RGS6: variants seen among roughly 807,000 people sequenced by gnomAD.
RGS6 encodes regulator of G protein signaling 6, also known as regulator of G-protein signaling 6.
A neutral mutation model predicts 78.5 loss-of-function variants in RGS6; 30 were observed. The observed-to-expected ratio is 0.38, with a 90% confidence interval of 0.29 to 0.52. RGS6 has a LOEUF of 0.52. RGS6 is among the 20% of genes least tolerant of loss of function. The probability of loss-of-function intolerance (pLI) is 0.85; values close to 1 mark genes in which losing one functional copy is unlikely to be tolerated. For synonymous variants in RGS6, 206 were observed against 206.0 expected (o/e 1.00, Z 0.00); for missense variants, 495 against 609.7 (o/e 0.81, Z 1.98).
In RGS6 at chr14:72,091,894, C is replaced by T. The variant is rs1006129640; in HGVS notation, c.84+127019C>T. Among the ~76,000 whole-genome samples, 10 of 152,322 alleles carry T rather than the reference C, an allele frequency of 6.6e-5. 1 individual carries two copies. The highest frequency in any genetic ancestry group is 1.7e-4 in the African/African-American group (7 of 41,582). ...AGAAGATGTATTAATACTCTATTCT[C>T]TAATTTTCCAGAATAAGTCAGATCA... On this transcript the variant is annotated intron_variant, in intron 2 of 17. Transcript: ENST00000553525.
intron 12 of RGS6, among the ~76,000 whole-genome samples, chr14:72,485,682 T>A (rs2096475152): frequency 6.6e-6 from 1 of 152,224 alleles, no homozygotes; most frequent in African/African-American, 2.4e-5. Flanking sequence ...TGAACCTGGT[T>A]CTGCAAAATA....
intron 2 of RGS6, among the ~76,000 whole-genome samples, chr14:72,061,616 C>CACCT (rs1208202077): frequency 6.6e-6 from 1 of 151,448 alleles, no homozygotes; most frequent in African/African-American, 2.4e-5. Flanking sequence ...TTGATCAAAA[C>CACCT]ACCTATGCAA....
At chr14:72,255,560 A>G (rs1443531931) in intron 2 of RGS6, among the ~76,000 whole-genome samples, 1 of 152,160 alleles carries the variant, frequency 6.6e-6, no homozygotes, top group Non-Finnish European at 1.5e-5. Context: ...TTGTTTTCTC[A>G]TTGGTTCCCA....
chr14:72,478,178 TTGG>T, intron 11 of RGS6, 87 bp from the exon 12 acceptor site: 1 of 894,322 alleles, frequency 1.1e-6, no homozygotes, highest in Non-Finnish European at 1.8e-6. Context: ...TATTTGGATC[TTGG>T]TGGAAATGCA....
At position 72,158,661 on chromosome 14, in the gene RGS6, T is replaced by G. The variant is rs2096807091; in HGVS notation, c.85-193434T>G. Among the ~76,000 whole-genome samples, 5 of 152,216 alleles carry G rather than the reference T, an allele frequency of 3.3e-5. No individual in the cohort carries two copies. The South Asian group carries it at 1.0e-3, about 31-fold the overall frequency. The stretch of plus-strand genomic sequence containing the variant: ...TTGCTTGGTTGAATCAAGTAATGTT[T>G]CAAGATAATTTCCGTAAACATGCAC... On this transcript the variant is annotated intron_variant, in intron 2 of 17. Coordinates refer to ENST00000553525, the MANE Select transcript of RGS6 (RefSeq NM_001204424.2).
chr14:72,224,854 A>G (rs1056188169), intron 2 of RGS6, among the ~76,000 whole-genome samples: 2 of 152,142 alleles, frequency 1.3e-5, no homozygotes, highest in East Asian at 1.9e-4. Flanking sequence ...AGCTCCACCT[A>G]TGACTCAGCC....
chr14:71,993,610 AGTG>A lies in RGS6; in HGVS notation c.84+28737_84+28739del, dbSNP rs547805489. Among the ~76,000 whole-genome samples, 25 of 152,316 alleles carry A rather than the reference AGTG, an allele frequency of 1.6e-4. 1 individual carries two copies. In the South Asian group the frequency reaches 4.4e-3, roughly 27 times the overall value. Reference sequence around the variant, plus strand: ...GCTCTGGCTTATACAGATGGTAAGTAGTGGAGTTTGACCTTGACCTTAACCTTG... The same window carrying A: ...GCTCTGGCTTATACAGATGGTAAGTAGAGTTTGACCTTGACCTTAACCTTG... On this transcript the variant is annotated intron_variant, in intron 2 of 17. Coordinates refer to ENST00000553525, the MANE Select transcript of RGS6 (RefSeq NM_001204424.2).
chr14:72,600,294 C>A, the RGS6 span, among the ~76,000 whole-genome samples: 3 of 152,032 alleles, frequency 2.0e-5, no homozygotes, highest in Non-Finnish European at 2.9e-5. Flanking sequence ...GCTCCCCAGG[C>A]GATTCTGGGC....
Position 71,992,659 on chromosome 14 carries a change from C to T in RGS6, c.84+27784C>T, listed in dbSNP as rs143269614. On this transcript the variant is annotated intron_variant, in intron 2 of 17. Coordinates refer to ENST00000553525, the MANE Select transcript of RGS6 (RefSeq NM_001204424.2). ...CTCTTAACTACTCATTATGTTTTTA[C>T]GCACGTTAGTAATTATTTGCTTGGA... Among the ~76,000 whole-genome samples the T allele has an allele frequency of 2.6e-3, 390 of 152,280 alleles. 1 individual carries two copies. Among genetic ancestry groups the T allele is most frequent in the African/African-American group, 6.8e-3 (284 of 41,552 alleles).
intron 2 of RGS6, among the ~76,000 whole-genome samples, chr14:72,260,724 C>T (rs962426826): frequency 6.6e-6 from 1 of 152,162 alleles, no homozygotes; most frequent in Non-Finnish European, 1.5e-5. Flanking sequence ...TCTCTCCAGG[C>T]CCATCAGAAT....
chr14:71,885,248 C>T, the RGS6 span, among the ~76,000 whole-genome samples: 1 of 152,196 alleles, frequency 6.6e-6, no homozygotes, highest in Non-Finnish European at 1.5e-5. Flanking sequence ...ACTCCGTCGA[C>T]ACTAAAGAAA....
At chr14:72,334,642 A>G (rs1022293466) in intron 2 of RGS6, among the ~76,000 whole-genome samples, 6 of 152,324 alleles carry the variant, frequency 3.9e-5, no homozygotes, top group African/African-American at 9.6e-5. Context: ...GAAGTCATCT[A>G]ATTCATTCAT....
At chr14:72,393,046 T>C (rs2090389111) in intron 3 of RGS6, among the ~76,000 whole-genome samples, 1 of 152,206 alleles carries the variant, frequency 6.6e-6, no homozygotes, top group African/African-American at 2.4e-5. Context: ...CTGAAGATTA[T>C]GTTGAACCCT....
At chr14:71,951,499 A>C (rs1427457362) in intron 1 of RGS6, among the ~76,000 whole-genome samples, 2 of 152,188 alleles carry the variant, frequency 1.3e-5, no homozygotes, top group Non-Finnish European at 2.9e-5. Context: ...GCAGCAAACC[A>C]TCATGGCACA....
At chr14:72,520,784 T>G (rs1404192088) in intron 15 of RGS6, among the ~76,000 whole-genome samples, 3 of 152,260 alleles carry the variant, frequency 2.0e-5, no homozygotes, top group Non-Finnish European at 4.4e-5. Context: ...ATATGCTATG[T>G]TTTAATCCAT....
chr14:72,048,614 G>C (rs940080198), intron 2 of RGS6, among the ~76,000 whole-genome samples: 2 of 152,154 alleles, frequency 1.3e-5, no homozygotes, highest in Non-Finnish European at 2.9e-5. Flanking sequence ...GGTTCTTAAA[G>C]GCTTTGGGAG....
At chr14:72,583,021 AG>A in the RGS6 span, among the ~76,000 whole-genome samples, 1 of 152,168 alleles carries the variant, frequency 6.6e-6, no homozygotes, top group Non-Finnish European at 1.5e-5. Flanking sequence ...GTACAAAAAA[AG>A]GGCAGAGGAA....
chr14:72,356,866 A>G (rs1191325302), intron 3 of RGS6, among the ~76,000 whole-genome samples: 1 of 152,196 alleles, frequency 6.6e-6, no homozygotes, highest in Non-Finnish European at 1.5e-5. Flanking sequence ...AATTAAACAT[A>G]TGTCCTTTAT....
Position 72,157,646 on chromosome 14 carries a change from G to C in RGS6, c.84+192771G>C, listed in dbSNP as rs771128993. ...ATTCGAACATTTTCCTGGAGGCAGT[G>C]GGGGAGCTGCTGGAGGTTTTCGGAC... On this transcript the variant is annotated intron_variant, in intron 2 of 17. Transcript: ENST00000553525. Among the ~76,000 whole-genome samples, 119 of 152,202 alleles carry C rather than the reference G, an allele frequency of 7.8e-4. 1 individual carries two copies. Among genetic ancestry groups the C allele is most frequent in the Non-Finnish European group, 1.5e-3 (104 of 68,038 alleles).
Sources: allele counts gnomAD v4.1 joint callset (sites outside exome capture counted in the v4.1 genomes callset), GRCh38; gene constraint gnomAD v4.1.1; transcripts MANE v1.5; gene names NCBI Gene and HGNC (gene_info 2026-07-23, HGNC 2026-07-21).